NEO1: variants seen among roughly 807,000 people sequenced by gnomAD.
NEO1 encodes neogenin.
Under a neutral mutation model 159.7 loss-of-function variants are expected in NEO1, and 63 were observed. The observed-to-expected ratio is 0.39, with a 90% confidence interval of 0.32 to 0.49. The LOEUF (loss-of-function observed/expected upper bound fraction) is 0.49, where lower values mean the gene tolerates loss of function less well. NEO1 is among the 20% of genes least tolerant of loss of function. NEO1 has a pLI of 0.85. For synonymous variants in NEO1, 633 were observed against 662.0 expected, an observed-to-expected ratio of 0.96 and a Z score of 0.67; for missense variants, 1,615 against 1,831.0, an observed-to-expected ratio of 0.88 and a Z score of 2.15.
At chr15:73,160,508 A>G (rs1157216824) in intron 5 of NEO1, among the ~76,000 whole-genome samples, 1 of 152,158 alleles carries the variant, frequency 6.6e-6, no homozygotes, top group Non-Finnish European at 1.5e-5. Context: ...CCACCAGACT[A>G]CCATCTCTCT....
At chr15:73,167,472 C>A (rs578110660) in intron 5 of NEO1, among the ~76,000 whole-genome samples, 2 of 151,980 alleles carry the variant, frequency 1.3e-5, no homozygotes, top group African/African-American at 4.8e-5. Flanking sequence ...ATGCTGGGGG[C>A]GGGGGAGGCC....
At chr15:73,280,955 CAGCACTTTGGG>C (rs2041666413) in intron 22 of NEO1, among the ~76,000 whole-genome samples, 2 of 151,790 alleles carry the variant, frequency 1.3e-5, no homozygotes, top group African/African-American at 2.4e-5. Context: ...CCTGTAATCC[CAGCACTTTGGG>C]AGGCTGAGGT....
intron 22 of NEO1, among the ~76,000 whole-genome samples, chr15:73,281,554 C>T (rs2041714884): frequency 6.6e-6 from 1 of 152,162 alleles, no homozygotes; most frequent in Non-Finnish European, 1.5e-5. Context: ...CTGCGCCAAG[C>T]CAAGAGATTT....
At position 73,292,883 on chromosome 15, in the gene NEO1, A is replaced by G. The variant is rs148222790; in HGVS notation, c.3743-507A>G. Among the ~76,000 whole-genome samples, 590 of 152,370 alleles carry G rather than the reference A, an allele frequency of 3.9e-3. 3 individuals carry two copies. The highest frequency in any genetic ancestry group is 6.8e-3 in the Non-Finnish European group (466 of 68,034). Reference sequence around the variant, plus strand: ...GGCCTAAATACCCATTAAATGCTTCATTCAGCAGTTTTAACAAAGGCAGAA... The same window carrying G: ...GGCCTAAATACCCATTAAATGCTTCGTTCAGCAGTTTTAACAAAGGCAGAA... On this transcript the variant is annotated intron_variant, in intron 25 of 28. Coordinates refer to ENST00000261908, the MANE Select transcript of NEO1 (RefSeq NM_002499.4).
rs1265213054 is a variant in NEO1, at chr15:73,137,651, C to G, written c.1015+1624C>G. On this transcript the variant is annotated intron_variant, in intron 5 of 28. Transcript: ENST00000261908. The stretch of plus-strand genomic sequence containing the variant: ...AGCTGAGACTACAGGCATGTGCCAC[C>G]AGGCCCAGTTAATTTTTGTATTTTT... 2.6e-5 allele frequency among the ~76,000 whole-genome samples: 4 copies of G among 152,152 alleles called. No individual in the cohort carries two copies. The East Asian group carries it at 7.7e-4, about 29-fold the overall frequency.
intron 5 of NEO1, among the ~76,000 whole-genome samples, chr15:73,151,496 C>T (rs184638882): frequency 2.4e-3 from 365 of 152,222 alleles, no homozygotes; most frequent in African/African-American, 8.3e-3. Context: ...ACCCAAGACT[C>T]GGTAATTTAT....
Position 73,151,033 on chromosome 15 carries a change from C to T in NEO1, c.1015+15006C>T, listed in dbSNP as rs147723618. Among the ~76,000 whole-genome samples the T allele has an allele frequency of 9.0e-3, 1,369 of 152,194 alleles. 14 individuals are homozygous for T. The highest frequency in any genetic ancestry group is 0.034 in the East Asian group (174 of 5,180). ...TGAGTAGTGTATGCCAGGCCTTTTC[C>T]CAGAGTGGTCATACCAGTTCACATT... is the stretch of plus-strand genomic sequence containing the variant. On this transcript the variant is annotated intron_variant, in intron 5 of 28. Coordinates refer to ENST00000261908, the MANE Select transcript of NEO1 (RefSeq NM_002499.4).
At chr15:73,118,867 TTGA>T (rs1386723190) in intron 2 of NEO1, among the ~76,000 whole-genome samples, 1 of 152,224 alleles carries the variant, frequency 6.6e-6, no homozygotes, top group African/African-American at 2.4e-5. Context: ...GATTTCTTTA[TTGA>T]TGAACAATTA....
At chr15:73,227,293 C>A (rs965113770) in intron 7 of NEO1, among the ~76,000 whole-genome samples, 2 of 152,088 alleles carry the variant, frequency 1.3e-5, no homozygotes, top group Non-Finnish European at 2.9e-5. Context: ...GTCAGGAGTT[C>A]GAGACCAGCC....
intron 1 of NEO1, among the ~76,000 whole-genome samples, chr15:73,081,306 A>G (rs1342250168): frequency 6.6e-6 from 1 of 150,998 alleles, no homozygotes; most frequent in Non-Finnish European, 1.5e-5. Context: ...ACATTTTAAA[A>G]CTGCATTTTA....
At chr15:73,134,857 CG>C (rs1447038555) in intron 4 of NEO1, among the ~76,000 whole-genome samples, 1 of 152,012 alleles carries the variant, frequency 6.6e-6, no homozygotes, top group Admixed American at 6.6e-5. Flanking sequence ...ATAATCAGAA[CG>C]TTTTTTAATT....
At chr15:73,138,366 C>T (rs2031991828) in intron 5 of NEO1, among the ~76,000 whole-genome samples, 2 of 152,180 alleles carry the variant, frequency 1.3e-5, no homozygotes, top group Admixed American at 6.5e-5. Context: ...CACAAGATCT[C>T]TGAAGGTTTG....
At chr15:73,068,781 C>T (rs2068366654) in intron 1 of NEO1, among the ~76,000 whole-genome samples, 1 of 152,130 alleles carries the variant, frequency 6.6e-6, no homozygotes, top group African/African-American at 2.4e-5. Context: ...TGAGAATCTA[C>T]ACTGGGTATT....
chr15:73,061,438 T>C (rs1045728827), intron 1 of NEO1, among the ~76,000 whole-genome samples: 1 of 152,142 alleles, frequency 6.6e-6, no homozygotes, highest in Non-Finnish European at 1.5e-5. Flanking sequence ...TCTTAATCTC[T>C]CCTCAAATTA....
chr15:73,067,537 C>T (rs1212943177), intron 1 of NEO1, among the ~76,000 whole-genome samples: 1 of 151,358 alleles, frequency 6.6e-6, no homozygotes, highest in Non-Finnish European at 1.5e-5. Context: ...GCAAACTCTG[C>T]CTCCCGGGTT....
chr15:73,153,852 A>G (rs2151848688), intron 5 of NEO1, among the ~76,000 whole-genome samples: 1 of 152,260 alleles, frequency 6.6e-6, no homozygotes, highest in East Asian at 1.9e-4. Context: ...TCCGAATTAT[A>G]TTTTCCTCTT....
intron 7 of NEO1, among the ~76,000 whole-genome samples, chr15:73,179,877 A>ATG (rs1469169544): frequency 2.0e-5 from 3 of 150,976 alleles, no homozygotes; most frequent in Non-Finnish European, 4.4e-5. Flanking sequence ...ATATATATAT[A>ATG]TACACTGTTT....
intron 11 of NEO1, among the ~76,000 whole-genome samples, chr15:73,250,856 C>CAACTTAATATTAGATTGCCTA (rs1276990791): frequency 6.6e-6 from 1 of 152,018 alleles, no homozygotes; most frequent in Non-Finnish European, 1.5e-5. Context: ...ATATTAGATA[C>CAACTTAATATTAGATTGCCTA]ATATGGTATT....
intron 2 of NEO1, among the ~76,000 whole-genome samples, chr15:73,120,143 AAATT>A (rs574582500): frequency 0.013 from 2,019 of 152,038 alleles, 11 homozygotes; most frequent in African/African-American, 0.026. Flanking sequence ...CTCATAAAAA[AAATT>A]AATTAATTAA....
Sources: gnomAD v4.1 joint callset for allele counts (sites outside exome capture counted in the v4.1 genomes callset) on GRCh38, gnomAD v4.1.1 for gene constraint, MANE v1.5 for transcripts, NCBI Gene and HGNC (gene_info 2026-07-23, HGNC 2026-07-21) for gene names.